Variants in IDUA observed in about 807,000 individuals in gnomAD.
IDUA encodes iduronidase alpha-L-.
A neutral mutation model predicts 68.9 loss-of-function variants in IDUA; 65 were observed. That is an observed-to-expected ratio of 0.94 (90% CI 0.77 to 1.16). The LOEUF (loss-of-function observed/expected upper bound fraction) is 1.16, where lower values mean the gene tolerates loss of function less well. Among genes scored for constraint, IDUA ranks in the 50% most tolerant of loss-of-function variants. The pLI is 0.00. For missense variants in IDUA, 1,046 were observed against 938.0 expected (o/e 1.12, Z -1.50); for synonymous variants, 529 against 433.6 (o/e 1.22, Z -2.73).
intron 2 of IDUA, among the ~76,000 whole-genome samples, chr4:996,252 G>A (rs894802757): frequency 1.3e-5 from 2 of 152,240 alleles, no homozygotes; most frequent in Non-Finnish European, 2.9e-5. Context: ...CAGGGCCTCA[G>A]GTCCCTCCCT....
In IDUA at chr4:1,002,585, G is replaced by C. The variant is rs187998967; in HGVS notation, c.1189+100G>C. The C allele has an allele frequency of 7.3e-5, 91 of 1,247,874 alleles. No individual in the cohort carries two copies. In the South Asian group the frequency reaches 1.3e-3, roughly 18 times the overall value. The allele number at this position is 1,247,874 out of a possible 1,614,324, so 77.3% of individuals were successfully genotyped here. On this transcript the variant is annotated intron_variant, in intron 8 of 13. Transcript: ENST00000514224. ...CGGGGAGCGCACTTCCTCCAGCCGC[G>C]CGCTTCCCGGGGTCGGCCTCCGCGT...
Position 991,157 on chromosome 4 carries a change from C to T in IDUA, c.299+3208C>T, listed in dbSNP as rs546110251. 1.6e-5 allele frequency: 25 copies of T among 1,558,316 alleles called. No homozygotes were observed. The highest frequency in any genetic ancestry group is 9.8e-5 in the South Asian group (8 of 81,934). On this transcript the variant is annotated intron_variant, in intron 2 of 13. Coordinates refer to ENST00000514224, the MANE Select transcript of IDUA (RefSeq NM_000203.5). ...TAAAGCCCGGTCATCAGCGTGAGGG[C>T]GGTGGCGACACGGATGGCGTAGCAG...
Position 991,140 on chromosome 4 carries a change from G to A in IDUA, c.299+3191G>A, listed in dbSNP as rs778292528. 30 of 1,543,540 alleles carry A rather than the reference G, an allele frequency of 1.9e-5. No individual in the cohort carries two copies. Among genetic ancestry groups the A allele is most frequent in the African/African-American group, 6.8e-5 (5 of 73,346 alleles). On this transcript the variant is annotated intron_variant, in intron 2 of 13. Transcript: ENST00000514224. ...CAGGGCTCCTCACCTGGTAAAGCCCGGTCATCAGCGTGAGGGCGGTGGCGA... is the reference window on the plus strand; with the variant it reads ...CAGGGCTCCTCACCTGGTAAAGCCCAGTCATCAGCGTGAGGGCGGTGGCGA...
In IDUA at chr4:1,001,827, C is replaced by T; in HGVS notation, c.738C>T (p.Asn246=). 1.9e-6 allele frequency: 3 copies of T among 1,605,492 alleles called. No individual in the cohort carries two copies. Among genetic ancestry groups the T allele is most frequent in the Non-Finnish European group, 2.5e-6 (3 of 1,177,476 alleles). ...TGCGCCACTGCCACGACGGTACCAA[C>T]TTCTTCACTGGGGAGGCGGGCGTGC... The part of the protein sequence containing the change: ...GLLRHCHDGT[N]FFTGEAGVRL... The change falls in exon 6 of 14, where the codon AAC becomes AAT. Residue 246 remains asparagine (N), a synonymous_variant. Transcript: ENST00000514224.
chr4:987,621 T>C (rs1713837505), intron 1 of IDUA, 188 bp from the exon 2 acceptor site: 1 of 1,443,436 alleles, frequency 6.9e-7, no homozygotes, highest in Non-Finnish European at 9.1e-7. Flanking sequence ...GTCTTACTGC[T>C]GCTGCCGTTC....
chr4:1,001,353 T>G, intron 4 of IDUA, 115 bp from the exon 5 acceptor site: 7 of 907,062 alleles, frequency 7.7e-6, no homozygotes, highest in Non-Finnish European at 1.3e-5. Flanking sequence ...CTGGCCTGCA[T>G]GGAGATGGGG....
In IDUA at chr4:1,004,064, C is replaced by G. The variant is rs1577545264; in HGVS notation, c.1780C>G (p.Pro594Ala). The part of the protein sequence containing the change: ...QFSQDGKAYT[P>A]VSRKPSTFNL... ...CTCTCAGGACGGTAAGGCGTACACC[C>G]CGGTCAGCAGGAAGCCATCGACCTT... Residue 594 changes from proline to alanine, a missense_variant, in exon 13 of 14, where the codon CCG becomes GCG. Pro to Ala is a conservative substitution (Grantham distance 27). Coordinates refer to ENST00000514224, the MANE Select transcript of IDUA (RefSeq NM_000203.5). The surrounding 1 kb of genome is among the most constrained non-coding windows in gnomAD (Gnocchi z 5.0). The G allele has an allele frequency of 6.2e-7, 1 of 1,612,682 alleles. No individual in the cohort carries two copies. Among genetic ancestry groups the G allele is most frequent in the Non-Finnish European group, 8.5e-7 (1 of 1,179,798 alleles).
In IDUA at chr4:1,004,049, G is replaced by T. The variant is rs144941693; in HGVS notation, c.1765G>T (p.Gly589Cys). Residue 589 changes from glycine to cysteine, a missense_variant, in exon 13 of 14, where the codon GGT becomes TGT. Physicochemically the swap from Gly to Cys is radical, Grantham distance 159. Transcript: ENST00000514224. The surrounding 1 kb of genome is among the most constrained non-coding windows in gnomAD (Gnocchi z 5.0). Reference protein sequence around the residue: ...WTYEIQFSQDGKAYTPVSRKP... With the variant: ...WTYEIQFSQDCKAYTPVSRKP... ...ATACGAGATCCAGTTCTCTCAGGAC[G>T]GTAAGGCGTACACCCCGGTCAGCAG... 1 of 1,612,112 alleles carries T rather than the reference G, an allele frequency of 6.2e-7. No homozygotes were observed. Among genetic ancestry groups the T allele is most frequent in the Non-Finnish European group, 8.5e-7 (1 of 1,179,680 alleles).
At chr4:989,087 G>T in intron 2 of IDUA, 1 of 1,598,824 alleles carries the variant, frequency 6.3e-7, no homozygotes, top group East Asian at 2.3e-5. Context: ...AACAGCAGCG[G>T]GGCGCAGTCG....
At chr4:993,631 CG>C (rs141928229) in intron 2 of IDUA, among the ~76,000 whole-genome samples, 1 of 152,102 alleles carries the variant, frequency 6.6e-6, no homozygotes, top group Non-Finnish European at 1.5e-5. Flanking sequence ...GCGGCCCTGC[CG>C]GGGGGGCTTA....
chr4:1,000,015 C>T (rs60004363), intron 2 of IDUA: 3,366 of 107,542 alleles, frequency 0.031, 182 homozygotes, highest in African/African-American at 0.12. Flanking sequence ...TCTCCCTTGA[C>T]GACGCCTGTC....
At chr4:990,389 C>G in intron 2 of IDUA, 3 of 1,553,000 alleles carry the variant, frequency 1.9e-6, no homozygotes, top group Non-Finnish European at 2.6e-6. Flanking sequence ...GTCAGGCCAG[C>G]AGGCGCCTGG....
intron 2 of IDUA, chr4:988,284 C>T: frequency 8.6e-7 from 1 of 1,167,920 alleles, no homozygotes. Context: ...GCTGAGGTCT[C>T]ATCGGTCACA....
At position 1,002,253 on chromosome 4, in the gene IDUA, C is replaced by T; in HGVS notation, c.973-16C>T. 2 of 1,605,532 alleles carry T rather than the reference C, an allele frequency of 1.2e-6. No homozygotes were observed. The highest frequency in any genetic ancestry group is 1.7e-6 in the Non-Finnish European group (2 of 1,176,490). On this transcript the variant is annotated splice_polypyrimidine_tract_variant and intron_variant, in intron 7 of 13. Transcript: ENST00000514224. ...TGGCCGCGCCACCCGGTCCCAGCTGCCCTGGACACCCGCAGGTCATCGCGC... is the reference window on the plus strand; with the variant it reads ...TGGCCGCGCCACCCGGTCCCAGCTGTCCTGGACACCCGCAGGTCATCGCGC...
At chr4:988,801 G>A (rs759849461) in intron 2 of IDUA, 116 of 1,513,562 alleles carry the variant, frequency 7.7e-5, no homozygotes, top group Non-Finnish European at 9.8e-5. Context: ...TCCCCAGGAG[G>A]GAGCAGAGGC....
In IDUA at chr4:1,004,345, C is replaced by A. The variant is rs768467230; in HGVS notation, c.1914C>A (p.Tyr638Ter). Residue 638 changes from tyrosine to a stop codon, truncating the protein, a stop_gained, in exon 14 of 14, where the codon TAC (tyrosine) becomes TAA (stop). Transcript: ENST00000514224. LOFTEE classifies it low-confidence loss of function (END_TRUNC). This position sits in a 1 kb window ranked among gnomAD's most constrained non-coding sequence, Gnocchi z 5.0. ...GCCCCTTCTCGGACCCTGTGCCGTA[C>A]CTGGAGGTCCCTGTGCCAAGAGGGC... ...RPGPFSDPVPYLEVPVPRGPP... is the reference protein window; with the variant it reads ...RPGPFSDPVP 1.2e-6 allele frequency: 2 copies of A among 1,611,708 alleles called. No individual in the cohort carries two copies. The highest frequency in any genetic ancestry group is 2.2e-5 in the South Asian group (2 of 91,070).
At chr4:996,291 G>C (rs963644722) in intron 2 of IDUA, among the ~76,000 whole-genome samples, 10 of 152,238 alleles carry the variant, frequency 6.6e-5, no homozygotes, top group Non-Finnish European at 1.3e-4. Context: ...TCTGGGTGCA[G>C]CCACCAGCAG....
intron 2 of IDUA, chr4:989,828 C>T: frequency 6.3e-7 from 1 of 1,580,470 alleles, no homozygotes; most frequent in Non-Finnish European, 8.6e-7. Flanking sequence ...TTGGCACGCA[C>T]AGAGTAGCCG....
chr4:992,134 C>A (rs185927467), intron 2 of IDUA: 3 of 482,246 alleles, frequency 6.2e-6, no homozygotes, highest in South Asian at 4.6e-5. Flanking sequence ...GCTGCCACCA[C>A]GCACATGTGC....
Sources: gnomAD v4.1 joint callset for allele counts (sites outside exome capture counted in the v4.1 genomes callset) on GRCh38, gnomAD v4.1.1 for gene constraint, Gnocchi (gnomAD v3.1) non-coding constraint, MANE v1.5 for transcripts, NCBI Gene and HGNC (gene_info 2026-07-23, HGNC 2026-07-21) for gene names.